Variants in TAB1 observed in about 807,000 individuals in gnomAD.
The protein encoded by TAB1 is TGF-beta activated kinase 1 (MAP3K7) binding protein 1, also known as TGF-beta-activated kinase 1 and MAP3K7-binding protein 1.
A neutral mutation model predicts 54.5 loss-of-function variants in TAB1; 30 were observed. That is an observed-to-expected ratio of 0.55 (90% CI 0.41 to 0.75). TAB1 has a LOEUF of 0.75. TAB1 is among the 30% of genes least tolerant of loss of function. The pLI is 0.00. For missense variants in TAB1, 609 were observed against 683.2 expected, an observed-to-expected ratio of 0.89 and a Z score of 1.21; for synonymous variants, 289 against 286.9, an observed-to-expected ratio of 1.01 and a Z score of -0.07.
At chr22:39,407,888 G>A (rs778842014) in intron 1 of TAB1, among the ~76,000 whole-genome samples, 1 of 152,154 alleles carries the variant, frequency 6.6e-6, no homozygotes, top group Middle Eastern at 3.4e-3. Flanking sequence ...CCAAGGTGCT[G>A]GGATTACAGA....
At chr22:39,413,663 G>T (rs1465607570) in intron 1 of TAB1, among the ~76,000 whole-genome samples, 3 of 152,100 alleles carry the variant, frequency 2.0e-5, no homozygotes, top group African/African-American at 7.2e-5. Context: ...GACATCAAAT[G>T]GTCCACCCAC....
At chr22:39,416,922 G>C (rs763771000) in intron 4 of TAB1, 45 bp downstream of exon 4, 2 of 1,582,162 alleles carry the variant, frequency 1.3e-6, no homozygotes, top group African/African-American at 2.7e-5. Context: ...TCCAGGCCCA[G>C]CTTTGCAAGG....
In TAB1 at chr22:39,426,944, C is replaced by A. The variant is rs114151120; in HGVS notation, c.1144+19C>A. The A allele has an allele frequency of 1.4e-5, 22 of 1,601,310 alleles. No homozygotes were observed. Among genetic ancestry groups the A allele is most frequent in the Non-Finnish European group, 1.4e-5 (17 of 1,174,208 alleles). The stretch of plus-strand genomic sequence containing the variant: ...GCCCCAGGTACGTGTGCTGTGCAGA[C>A]AGGCAGTGCCTGGGGATGCCATCTG... On this transcript the variant is annotated intron_variant, in intron 9 of 10. Transcript: ENST00000216160.
At chr22:39,409,571 A>G (rs1301836957) in intron 1 of TAB1, among the ~76,000 whole-genome samples, 1 of 152,120 alleles carries the variant, frequency 6.6e-6, no homozygotes, top group African/African-American at 2.4e-5. Context: ...TAAACCTGAC[A>G]TGCTTTTTTC....
At chr22:39,402,043 G>A (rs1822283252) in intron 1 of TAB1, among the ~76,000 whole-genome samples, 1 of 152,164 alleles carries the variant, frequency 6.6e-6, no homozygotes, top group African/African-American at 2.4e-5. Context: ...TCTTGTTATT[G>A]TAGACCTGTG....
chr22:39,414,300 T>TA (rs1250890052), intron 1 of TAB1, among the ~76,000 whole-genome samples: 1 of 152,072 alleles, frequency 6.6e-6, no homozygotes. Flanking sequence ...GACAGGGCTG[T>TA]AGGCATTTGG....
chr22:39,403,640 CTTTT>C (rs35800128), intron 1 of TAB1, among the ~76,000 whole-genome samples: 2 of 137,378 alleles, frequency 1.5e-5, no homozygotes, highest in Non-Finnish European at 1.5e-5. Context: ...AAAAATCCCT[CTTTT>C]TTTTTTTTTT....
intron 1 of TAB1, among the ~76,000 whole-genome samples, chr22:39,406,118 A>G (rs1252146703): frequency 1.3e-5 from 2 of 152,218 alleles, no homozygotes; most frequent in East Asian, 3.8e-4. Flanking sequence ...CTAATTAACA[A>G]TACCAGGCTA....
Position 39,430,421 on chromosome 22 carries a change from G to A in TAB1, c.*199G>A. ...GTGGTTCATACCTTGTCACCACCCGGGAAGCTGAAGGCCACTTCCTCCCAG... is the reference window on the plus strand; with the variant it reads ...GTGGTTCATACCTTGTCACCACCCGAGAAGCTGAAGGCCACTTCCTCCCAG... On this transcript the variant is annotated 3_prime_UTR_variant, in exon 11 of 11. Coordinates refer to ENST00000216160, the MANE Select transcript of TAB1 (RefSeq NM_006116.3). 7.0e-7 allele frequency: 1 copy of A among 1,430,602 alleles called. No individual in the cohort carries two copies. Among genetic ancestry groups the A allele is most frequent in the East Asian group, 2.5e-5 (1 of 39,460 alleles). The allele number at this position is 1,430,602 out of a possible 1,614,324, so 88.6% of individuals were successfully genotyped here. A position where few individuals can be genotyped will look rare whatever the true frequency, so the allele number is the denominator to read the frequency against.
intron 7 of TAB1, among the ~76,000 whole-genome samples, 157 bp downstream of exon 7, chr22:39,419,787 A>C (rs1601693758): frequency 7.0e-6 from 1 of 143,260 alleles, no homozygotes; most frequent in East Asian, 2.0e-4. Context: ...ACCCTGTCTC[A>C]AAAAAAAAAA....
chr22:39,424,013 C>A (rs1017451821), intron 8 of TAB1, among the ~76,000 whole-genome samples: 1 of 151,968 alleles, frequency 6.6e-6, no homozygotes, highest in Non-Finnish European at 1.5e-5. Flanking sequence ...GCCATCCTCC[C>A]GCCTTGAGTC....
downstream of TAB1, chr22:39,432,593 C>T: frequency 3.7e-6 from 1 of 272,492 alleles, no homozygotes; most frequent in South Asian, 1.4e-4. Context: ...GTCCTGAGGA[C>T]CACCATGGCC....
At chr22:39,434,420 A>G (rs1349761502), downstream of TAB1, among the ~76,000 whole-genome samples, 1 of 152,268 alleles carries the variant, frequency 6.6e-6, no homozygotes, top group African/African-American at 2.4e-5. Flanking sequence ...CTGTGGGCCA[A>G]GCTCCTGAAA....
chr22:39,417,587 C>T, intron 4 of TAB1, 124 bp from the exon 5 acceptor site: 1 of 993,818 alleles, frequency 1.0e-6, no homozygotes, highest in Non-Finnish European at 1.4e-6. Flanking sequence ...TGCCACTGCA[C>T]TGTAGCCTGG....
intron 1 of TAB1, chr22:39,414,653 C>T: frequency 3.8e-6 from 1 of 261,892 alleles, no homozygotes; most frequent in Non-Finnish European, 7.5e-6. Context: ...GCATTTGGAG[C>T]CAGTGCAGTA....
intron 9 of TAB1, 71 bp downstream of exon 9, chr22:39,426,996 C>G: frequency 6.7e-7 from 1 of 1,494,292 alleles, no homozygotes; most frequent in Non-Finnish European, 9.1e-7. Flanking sequence ...GCAGAGCCCC[C>G]GAGGCTGCTT....
intron 9 of TAB1, among the ~76,000 whole-genome samples, chr22:39,427,705 G>A (rs1927412087): frequency 6.6e-6 from 1 of 152,222 alleles, no homozygotes; most frequent in Non-Finnish European, 1.5e-5. Flanking sequence ...TCAACTGGGA[G>A]CAAACTTATC....
chr22:39,422,426 T>TTTTTTTA (rs1364587511), intron 8 of TAB1, among the ~76,000 whole-genome samples: 1 of 144,142 alleles, frequency 6.9e-6, no homozygotes, highest in Non-Finnish European at 1.5e-5. Context: ...TTTTTTTTTT[T>TTTTTTTA]GAGACAGCGT....
chr22:39,417,656 C>T (rs1926895594), intron 4 of TAB1, 55 bp from the exon 5 acceptor site: 20 of 1,505,996 alleles, frequency 1.3e-5, no homozygotes, highest in Non-Finnish European at 1.8e-5. Context: ...GTGGAGAGGG[C>T]TAGGAAGATG....
Sources: gnomAD v4.1 joint callset for allele counts (sites outside exome capture counted in the v4.1 genomes callset) on GRCh38, gnomAD v4.1.1 for gene constraint, MANE v1.5 for transcripts, NCBI Gene and HGNC (gene_info 2026-07-23, HGNC 2026-07-21) for gene names.